DAB1: variants seen among roughly 807,000 people sequenced by gnomAD.
The protein encoded by DAB1 is disabled homolog 1.
In DAB1, 15 loss-of-function variants were observed where a neutral mutation model predicts 64.6. The ratio of observed to expected loss-of-function variants is 0.23; its 90% CI spans 0.16 to 0.36. The LOEUF (loss-of-function observed/expected upper bound fraction) is 0.36. Ranked by LOEUF, DAB1 falls within the 10% of genes least tolerant of loss-of-function variation. DAB1 has a pLI of 1.00. For missense variants in DAB1, 596 were observed against 706.7 expected, an observed-to-expected ratio of 0.84 and a Z score of 1.78; for synonymous variants, 235 against 251.9, an observed-to-expected ratio of 0.93 and a Z score of 0.64.
chr1:57,171,142 A>G (rs1026298309), intron 2 of DAB1, among the ~76,000 whole-genome samples: 2 of 152,234 alleles, frequency 1.3e-5, no homozygotes, highest in African/African-American at 4.8e-5. Context: ...GACAGTAGCA[A>G]TACTGGTGCT....
chr1:57,957,555 G>A (rs1400785980), intron 5 of DAB1, among the ~76,000 whole-genome samples: 2 of 152,158 alleles, frequency 1.3e-5, no homozygotes, highest in Admixed American at 1.3e-4. Flanking sequence ...GTGTATGCAG[G>A]AGACACCAAT....
intron 7 of DAB1, among the ~76,000 whole-genome samples, chr1:57,495,893 T>A (rs965046791): frequency 6.6e-6 from 1 of 152,180 alleles, no homozygotes; most frequent in African/African-American, 2.4e-5. Flanking sequence ...ATCATTTTTA[T>A]CCCCACGTTC....
At chr1:58,480,747 G>T in intron 3 of DAB1, 1 of 382,072 alleles carries the variant, frequency 2.6e-6, no homozygotes, top group Non-Finnish European at 4.6e-6. Context: ...TTTATTCTGT[G>T]ACATTTTCCT....
chr1:58,281,177 G>T (rs544060962), intron 4 of DAB1, among the ~76,000 whole-genome samples: 1 of 152,294 alleles, frequency 6.6e-6, no homozygotes, highest in South Asian at 2.1e-4. Flanking sequence ...TGGAGAGAGA[G>T]CAAAGGATAG....
At chr1:57,868,736 T>C (rs1226510868) in intron 1 of DAB1, among the ~76,000 whole-genome samples, 1 of 152,090 alleles carries the variant, frequency 6.6e-6, no homozygotes, top group Non-Finnish European at 1.5e-5. Context: ...GCCTGACACA[T>C]AGTAGGCACT....
intron 3 of DAB1, among the ~76,000 whole-genome samples, chr1:58,473,413 G>A (rs906811332): frequency 3.3e-5 from 5 of 151,782 alleles, no homozygotes; most frequent in African/African-American, 1.2e-4. Context: ...GCGGTGGCGG[G>A]CGCCTGTAGT....
At chr1:57,582,147 G>A (rs1177222507) in intron 7 of DAB1, among the ~76,000 whole-genome samples, 1 of 152,106 alleles carries the variant, frequency 6.6e-6, no homozygotes, top group Non-Finnish European at 1.5e-5. Flanking sequence ...TCCTGTATTA[G>A]TCCATTTTCA....
chr1:57,181,352 C>G (rs2100969391), intron 2 of DAB1, among the ~76,000 whole-genome samples: 1 of 152,236 alleles, frequency 6.6e-6, no homozygotes, highest in Non-Finnish European at 1.5e-5. Context: ...TTAAGTCCTC[C>G]AAAGGTAAGA....
chr1:58,310,452 A>G (rs1464821917), intron 4 of DAB1, among the ~76,000 whole-genome samples: 1 of 151,252 alleles, frequency 6.6e-6, no homozygotes, highest in East Asian at 1.9e-4. Context: ...CAATAAGCTG[A>G]GTTGTTTGTT....
rs1214440107 is a variant in DAB1, at chr1:56,996,428, C to T, written c.*1716G>A. 1 of 152,116 alleles carries T rather than the reference C, an allele frequency of 6.6e-6. No individual in the cohort carries two copies. Among genetic ancestry groups the T allele is most frequent in the East Asian group, 1.9e-4 (1 of 5,188 alleles). 9.4% of individuals were successfully genotyped at this position (152,116 alleles called of 1,614,324 possible). A position where few individuals can be genotyped will look rare whatever the true frequency, so the allele number is the denominator to read the frequency against. On this transcript the variant is annotated 3_prime_UTR_variant, in exon 15 of 15. Coordinates refer to ENST00000371236, the MANE Select transcript of DAB1 (RefSeq NM_001365792.1). ...TCTGTAGGGCAAAAATATATAGATTCTTTATGAAAATCATGTGCTAAACAT... is the reference window on the plus strand; with the variant it reads ...TCTGTAGGGCAAAAATATATAGATTTTTTATGAAAATCATGTGCTAAACAT...
chr1:57,528,636 GGA>G (rs1491345750), intron 7 of DAB1, among the ~76,000 whole-genome samples: 1 of 54,786 alleles, frequency 1.8e-5, no homozygotes, highest in Non-Finnish European at 3.4e-5. Context: ...AAAAGCAGCA[GGA>G]CACACACACA....
At chr1:57,534,658 G>A (rs1326800399) in intron 7 of DAB1, among the ~76,000 whole-genome samples, 3 of 152,094 alleles carry the variant, frequency 2.0e-5, no homozygotes, top group African/African-American at 4.8e-5. Context: ...GAGTCCTGTC[G>A]TGTTCCTCGT....
At chr1:57,964,187 C>A (rs1216006449) in intron 5 of DAB1, among the ~76,000 whole-genome samples, 3 of 152,184 alleles carry the variant, frequency 2.0e-5, no homozygotes, top group Non-Finnish European at 4.4e-5. Context: ...TCTTGCCCCG[C>A]AGGGTCTGTC....
chr1:57,026,424 A>G (rs753600437), intron 9 of DAB1, among the ~76,000 whole-genome samples: 3 of 152,208 alleles, frequency 2.0e-5, no homozygotes, highest in Admixed American at 6.5e-5. Context: ...GTATCCACAC[A>G]TACAACTTGC....
At chr1:57,353,294 C>T (rs1294593568) in intron 1 of DAB1, among the ~76,000 whole-genome samples, 1 of 152,040 alleles carries the variant, frequency 6.6e-6, no homozygotes, top group Non-Finnish European at 1.5e-5. Flanking sequence ...AGACACCATG[C>T]TAGACCTGAT....
chr1:57,391,178 A>G (rs1189879722), intron 1 of DAB1, among the ~76,000 whole-genome samples: 1 of 152,224 alleles, frequency 6.6e-6, no homozygotes, highest in Non-Finnish European at 1.5e-5. Flanking sequence ...ATGTCCATTC[A>G]TTCACAAGCA....
At chr1:57,661,966 G>A (rs1646391615) in intron 6 of DAB1, among the ~76,000 whole-genome samples, 1 of 152,010 alleles carries the variant, frequency 6.6e-6, no homozygotes, top group African/African-American at 2.4e-5. Flanking sequence ...AAGGAATGTT[G>A]GGACTTGAGG....
chr1:57,063,061 C>A, intron 8 of DAB1, 118 bp from the exon 9 acceptor site: 1 of 809,198 alleles, frequency 1.2e-6, no homozygotes, highest in Non-Finnish European at 2.1e-6. Context: ...GCCCCAGGGA[C>A]AAGCCCATGG....
At chr1:57,224,566 G>C (rs1391009696) in intron 2 of DAB1, among the ~76,000 whole-genome samples, 3 of 152,230 alleles carry the variant, frequency 2.0e-5, no homozygotes, top group African/African-American at 7.2e-5. Flanking sequence ...TCAATGCCAG[G>C]ATGGGTCATA....
Sources: allele counts gnomAD v4.1 joint callset (sites outside exome capture counted in the v4.1 genomes callset), GRCh38; gene constraint gnomAD v4.1.1; transcripts MANE v1.5; gene names NCBI Gene and HGNC (gene_info 2026-07-23, HGNC 2026-07-21).